The following ZNF618 variants were observed in gnomAD, a reference collection of about 807,000 sequenced individuals.
ZNF618 encodes zinc finger protein 618.
ZNF618 carries 34 observed loss-of-function variants against 103.0 expected under a neutral mutation model. The ratio of observed to expected loss-of-function variants is 0.33; its 90% CI spans 0.25 to 0.44. The LOEUF (loss-of-function observed/expected upper bound fraction) is 0.44, where lower values mean the gene tolerates loss of function less well. Among genes scored for constraint, ZNF618 ranks in the 20% least tolerant of loss-of-function variants. The probability of loss-of-function intolerance (pLI) is 1.00; values close to 1 mark genes in which losing one functional copy is unlikely to be tolerated. For missense variants in ZNF618, 1,059 were observed against 1,295.4 expected (o/e 0.82, Z 2.80); for synonymous variants, 551 against 542.2 (o/e 1.02, Z -0.23).
At chr9:113,933,561 G>A (rs976005120) in intron 1 of ZNF618, among the ~76,000 whole-genome samples, 7 of 152,254 alleles carry the variant, frequency 4.6e-5, no homozygotes, top group African/African-American at 1.7e-4. Flanking sequence ...GTTGTTTGAG[G>A]TTTGAGGAGA....
At chr9:113,905,476 T>A (rs978470859) in intron 1 of ZNF618, among the ~76,000 whole-genome samples, 5 of 152,230 alleles carry the variant, frequency 3.3e-5, no homozygotes, top group Non-Finnish European at 7.3e-5. Flanking sequence ...ACAGATATGC[T>A]CATTTTTGTG....
At position 114,055,452 on chromosome 9, in the gene ZNF618, T is replaced by G. The variant is rs573546430; in HGVS notation, c.*5285T>G. 2.0e-5 allele frequency: 3 copies of G among 152,778 alleles called. No homozygotes were observed. The highest frequency in any genetic ancestry group is 3.9e-4 in the East Asian group (2 of 5,180). The allele number at this position is 152,778 out of a possible 1,614,324, so 9.5% of individuals were successfully genotyped here. On this transcript the variant is annotated 3_prime_UTR_variant, in exon 15 of 15. Coordinates refer to ENST00000374126, the MANE Select transcript of ZNF618 (RefSeq NM_001318042.2). ...TTTGTACAACCACCCGAAGCAGAGA[T>G]ATTTTTTAAGAAGCGTAAATTATTT...
chr9:113,962,905 G>A (rs1836994715), intron 1 of ZNF618, among the ~76,000 whole-genome samples: 1 of 152,194 alleles, frequency 6.6e-6, no homozygotes, highest in Non-Finnish European at 1.5e-5. Context: ...CCACTTGAAT[G>A]TAATTGCCAC....
chr9:114,039,450 A>C (rs547375049), intron 13 of ZNF618, among the ~76,000 whole-genome samples: 8 of 151,326 alleles, frequency 5.3e-5, no homozygotes, highest in African/African-American at 1.9e-4. Context: ...TTCTGGGCTC[A>C]AGCGATTCTT....
At chr9:113,955,146 CTTTT>C (rs3034066) in intron 1 of ZNF618, among the ~76,000 whole-genome samples, 9,392 of 130,592 alleles carry the variant, frequency 0.072, 383 homozygotes, top group African/African-American at 0.12. Context: ...AGTGACTTCT[CTTTT>C]TTTTTTTTTT....
In ZNF618 at chr9:114,014,588, T is replaced by C. The variant is rs147016848; in HGVS notation, c.755-2107T>C. 3.8e-4 allele frequency among the ~76,000 whole-genome samples: 58 copies of C among 152,324 alleles called. 1 individual carries two copies. Among genetic ancestry groups the C allele is most frequent in the Admixed American group, 3.8e-3 (58 of 15,300 alleles). On this transcript the variant is annotated intron_variant, in intron 9 of 14. Transcript: ENST00000374126. ...TTTAATGAATGACAGTACGAGAAAA[T>C]ATAGGGACATGTCTTCAGGTACATG...
intron 1 of ZNF618, among the ~76,000 whole-genome samples, chr9:113,902,158 T>A (rs985331566): frequency 6.6e-6 from 1 of 152,146 alleles, no homozygotes; most frequent in African/African-American, 2.4e-5. Flanking sequence ...TGGATTCAAG[T>A]CTTGCCTCTG....
intron 1 of ZNF618, among the ~76,000 whole-genome samples, chr9:113,917,655 T>C (rs1164069145): frequency 6.6e-6 from 1 of 152,158 alleles, no homozygotes; most frequent in Non-Finnish European, 1.5e-5. Flanking sequence ...CTAATGGTTA[T>C]TTTACTGTTT....
chr9:113,909,644 C>G (rs969142452), intron 1 of ZNF618, among the ~76,000 whole-genome samples: 6 of 152,144 alleles, frequency 3.9e-5, no homozygotes, highest in Non-Finnish European at 7.4e-5. Context: ...CCTGGGCTTG[C>G]TTGGGGATGG....
At chr9:113,916,121 A>G (rs150732763) in intron 1 of ZNF618, among the ~76,000 whole-genome samples, 337 of 151,858 alleles carry the variant, frequency 2.2e-3, no homozygotes, top group Non-Finnish European at 3.6e-3. Flanking sequence ...TGTGTATTGC[A>G]GTGTTGGAGA....
Position 114,050,222 on chromosome 9 carries a change from C to A in ZNF618, c.*55C>A, listed in dbSNP as rs1009177037. The A allele has an allele frequency of 1.3e-5, 20 of 1,488,098 alleles. No homozygotes were observed. Among genetic ancestry groups the A allele is most frequent in the South Asian group, 4.1e-5 (3 of 73,382 alleles). 92.2% of individuals were successfully genotyped at this position (1,488,098 alleles called of 1,614,324 possible). A position where few individuals can be genotyped will look rare whatever the true frequency, so the allele number is the denominator to read the frequency against. ...AAGAGAAGATAACATTAGAAAAAAA[C>A]CACACAACACTGTCACAAAGAAAAG... is the stretch of plus-strand genomic sequence containing the variant. On this transcript the variant is annotated 3_prime_UTR_variant, in exon 15 of 15. Coordinates refer to ENST00000374126, the MANE Select transcript of ZNF618 (RefSeq NM_001318042.2).
chr9:113,921,629 TC>T (rs1832660188), intron 1 of ZNF618, among the ~76,000 whole-genome samples: 1 of 152,214 alleles, frequency 6.6e-6, no homozygotes, highest in Non-Finnish European at 1.5e-5. Flanking sequence ...GCTGTGGTCT[TC>T]CTTGAGAAGA....
At chr9:113,998,001 C>G (rs755118678) in intron 3 of ZNF618, among the ~76,000 whole-genome samples, 1 of 152,194 alleles carries the variant, frequency 6.6e-6, no homozygotes, top group African/African-American at 2.4e-5. Context: ...GTGTTCTAAC[C>G]ATATGTTGAA....
At chr9:114,036,417 G>C (rs1254641073) in intron 13 of ZNF618, 40 bp downstream of exon 13, 1 of 1,547,172 alleles carries the variant, frequency 6.5e-7, no homozygotes, top group Non-Finnish European at 8.8e-7. Context: ...TCCTTCCTCA[G>C]TTCCTGCAAA....
At position 114,055,900 on chromosome 9, in the gene ZNF618, C is replaced by T. The variant is rs1193629156; in HGVS notation, c.*5733C>T. The T allele has an allele frequency of 6.6e-6, 1 of 151,854 alleles. No homozygotes were observed. 9.4% of individuals were successfully genotyped at this position (151,854 alleles called of 1,614,324 possible). ...GCAACACAATATTTTTATAAACAGC[C>T]GGTGCTTGGCTCAAGTCTTCACGAG... On this transcript the variant is annotated 3_prime_UTR_variant, in exon 15 of 15. Transcript: ENST00000374126.
intron 1 of ZNF618, among the ~76,000 whole-genome samples, chr9:113,909,816 G>A (rs1165931235): frequency 6.7e-6 from 1 of 150,002 alleles, no homozygotes; most frequent in African/African-American, 2.5e-5. Context: ...ACAGAGTCTC[G>A]CTCTGTCACC....
At chr9:113,881,809 T>A (rs531258537) in intron 1 of ZNF618, among the ~76,000 whole-genome samples, 1 of 152,182 alleles carries the variant, frequency 6.6e-6, no homozygotes, top group African/African-American at 2.4e-5. Flanking sequence ...TCCATATAGC[T>A]CTCCTGGCTA....
At chr9:114,007,929 A>G (rs1487056188) in intron 7 of ZNF618, among the ~76,000 whole-genome samples, 2 of 152,190 alleles carry the variant, frequency 1.3e-5, no homozygotes. Context: ...CCTTCAGCCC[A>G]TCTTGAGCTG....
intron 1 of ZNF618, among the ~76,000 whole-genome samples, chr9:113,909,785 GTTTGT>G (rs1343522126): frequency 4.7e-5 from 7 of 147,704 alleles, no homozygotes; most frequent in East Asian, 2.1e-4. Flanking sequence ...AGCCTTTTTT[GTTTGT>G]TTTTTTTTTT....
Sources: gnomAD v4.1 joint callset for allele counts (sites outside exome capture counted in the v4.1 genomes callset) on GRCh38, gnomAD v4.1.1 for gene constraint, MANE v1.5 for transcripts, NCBI Gene and HGNC (gene_info 2026-07-23, HGNC 2026-07-21) for gene names.